Variants in ST6GALNAC5 observed in about 807,000 individuals in gnomAD.
ST6GALNAC5 encodes the protein ST6 N-acetylgalactosaminide alpha-2,6-sialyltransferase 5.
Under a neutral mutation model 33.6 loss-of-function variants are expected in ST6GALNAC5, and 27 were observed. That is an observed-to-expected ratio of 0.80 (90% CI 0.59 to 1.11). The LOEUF (loss-of-function observed/expected upper bound fraction) is 1.11, where lower values mean the gene tolerates loss of function less well. Ranked by LOEUF, ST6GALNAC5 falls within the 50% of genes least tolerant of loss-of-function variation. ST6GALNAC5 has a pLI of 0.00. For synonymous variants in ST6GALNAC5, 194 were observed against 171.2 expected (o/e 1.13, Z -1.04); for missense variants, 428 against 454.0 (o/e 0.94, Z 0.52).
At chr1:76,984,544 T>C (rs191079153) in intron 2 of ST6GALNAC5, among the ~76,000 whole-genome samples, 1 of 151,760 alleles carries the variant, frequency 6.6e-6, no homozygotes, top group African/African-American at 2.4e-5. Context: ...AAGAAAAAAA[T>C]TCCAGGACCA....
chr1:77,031,768 C>A (rs1021810), intron 2 of ST6GALNAC5, among the ~76,000 whole-genome samples: 5 of 152,082 alleles, frequency 3.3e-5, no homozygotes, highest in African/African-American at 1.2e-4. Flanking sequence ...GTTATTTGTA[C>A]AGCAAATATA....
chr1:76,949,111 C>T (rs1169997264), intron 2 of ST6GALNAC5, among the ~76,000 whole-genome samples: 1 of 152,150 alleles, frequency 6.6e-6, no homozygotes, highest in African/African-American at 2.4e-5. Context: ...CAGGTATGTG[C>T]TCAGCCACAC....
intron 2 of ST6GALNAC5, among the ~76,000 whole-genome samples, chr1:76,967,416 C>T (rs528659927): frequency 1.1e-4 from 17 of 151,196 alleles, no homozygotes; most frequent in Admixed American, 2.0e-4. Flanking sequence ...TGTATTTCTG[C>T]GGGATCAGTG....
At chr1:76,962,557 C>A (rs987109901) in intron 2 of ST6GALNAC5, among the ~76,000 whole-genome samples, 1 of 152,068 alleles carries the variant, frequency 6.6e-6, no homozygotes, top group African/African-American at 2.4e-5. Context: ...TTTTCAATAG[C>A]AACAAAAGAA....
At chr1:77,037,073 G>A (rs1651669881) in intron 2 of ST6GALNAC5, among the ~76,000 whole-genome samples, 1 of 152,134 alleles carries the variant, frequency 6.6e-6, no homozygotes, top group Non-Finnish European at 1.5e-5. Flanking sequence ...CAGACAGCAA[G>A]CAGTAGAGAA....
chr1:76,964,116 C>G (rs904634550), intron 2 of ST6GALNAC5, among the ~76,000 whole-genome samples: 13 of 152,074 alleles, frequency 8.5e-5, no homozygotes, highest in Admixed American at 7.9e-4. Flanking sequence ...CCCAGTGAGG[C>G]CTGCTTTGGA....
At chr1:76,986,899 G>T (rs1002056277) in intron 2 of ST6GALNAC5, among the ~76,000 whole-genome samples, 3 of 152,114 alleles carry the variant, frequency 2.0e-5, no homozygotes, top group Admixed American at 6.6e-5. Flanking sequence ...CCATCATTCT[G>T]AGCAAACTAT....
intron 2 of ST6GALNAC5, among the ~76,000 whole-genome samples, chr1:77,022,023 C>T (rs374754859): frequency 6.6e-6 from 1 of 152,122 alleles, no homozygotes; most frequent in Admixed American, 6.5e-5. Context: ...CTTTTTTCCC[C>T]CAGCCAACAA....
At chr1:76,943,164 A>G (rs943043959) in intron 2 of ST6GALNAC5, among the ~76,000 whole-genome samples, 29 of 152,092 alleles carry the variant, frequency 1.9e-4, no homozygotes, top group African/African-American at 6.8e-4. Context: ...GTATCAATTC[A>G]TTTGTTCTTC....
At chr1:77,058,849 G>T (rs1652483105) in intron 4 of ST6GALNAC5, among the ~76,000 whole-genome samples, 1 of 152,110 alleles carries the variant, frequency 6.6e-6, no homozygotes, top group Admixed American at 6.5e-5. Flanking sequence ...TGTCTCCCTG[G>T]GTATCAGATG....
chr1:76,951,301 G>A (rs909957222), intron 2 of ST6GALNAC5, among the ~76,000 whole-genome samples: 18 of 152,148 alleles, frequency 1.2e-4, no homozygotes, highest in African/African-American at 4.3e-4. Context: ...ACAAAATGAA[G>A]ATTGGGTTTA....
chr1:76,989,634 G>A (rs1187681527), intron 2 of ST6GALNAC5, among the ~76,000 whole-genome samples: 9 of 152,014 alleles, frequency 5.9e-5, no homozygotes, highest in African/African-American at 2.2e-4. Flanking sequence ...CTTGAGGCAG[G>A]ACCAGGTCAG....
At chr1:76,870,839 G>T (rs1406960025) in intron 2 of ST6GALNAC5, among the ~76,000 whole-genome samples, 1 of 152,182 alleles carries the variant, frequency 6.6e-6, no homozygotes, top group Non-Finnish European at 1.5e-5. Flanking sequence ...TATACCCAAA[G>T]GTTTTGAGGG....
intron 4 of ST6GALNAC5, among the ~76,000 whole-genome samples, chr1:77,050,674 T>C (rs1419837926): frequency 3.3e-5 from 5 of 152,338 alleles, no homozygotes; most frequent in African/African-American, 1.2e-4. Context: ...TTAAGAAATA[T>C]TAGTTTTACT....
intron 2 of ST6GALNAC5, among the ~76,000 whole-genome samples, chr1:76,972,722 C>A (rs1476233349): frequency 6.6e-6 from 1 of 152,110 alleles, no homozygotes; most frequent in East Asian, 1.9e-4. Flanking sequence ...GCAGGTGCAT[C>A]TGTCATCTTG....
chr1:76,967,592 G>C (rs1168447980), intron 2 of ST6GALNAC5, among the ~76,000 whole-genome samples: 3 of 152,072 alleles, frequency 2.0e-5, no homozygotes, highest in African/African-American at 7.2e-5. Context: ...TTTCAGTGCT[G>C]CTCTGATCTT....
At position 77,063,178 on chromosome 1, in the gene ST6GALNAC5, A is replaced by C; in HGVS notation, c.983A>C (p.Asn328Thr). The C allele has an allele frequency of 6.2e-7, 1 of 1,613,760 alleles. No individual in the cohort carries two copies. ...PDWKPESLAI[N>T]HPENKPVF ...TGGAAACCAGAATCACTTGCTATAA[A>C]TCATCCTGAGAATAAACCTGTGTTC... is the stretch of plus-strand genomic sequence containing the variant. The change falls in exon 5 of 5, where the codon AAT (asparagine) becomes ACT (threonine). Residue 328 changes from asparagine to threonine, a missense_variant. By Grantham distance (65) the Asn-to-Thr change is moderately conservative. Transcript: ENST00000477717.
At chr1:77,029,308 C>G (rs1651364519) in intron 2 of ST6GALNAC5, among the ~76,000 whole-genome samples, 1 of 152,118 alleles carries the variant, frequency 6.6e-6, no homozygotes, top group South Asian at 2.1e-4. Flanking sequence ...TGTAATAGCT[C>G]AAAAATGACA....
chr1:77,010,727 C>T (rs1650604261), intron 2 of ST6GALNAC5, among the ~76,000 whole-genome samples: 1 of 152,108 alleles, frequency 6.6e-6, no homozygotes, highest in African/African-American at 2.4e-5. Context: ...CAGGACACCC[C>T]AACACTCTGG....
Sources: gnomAD v4.1 joint callset for allele counts (sites outside exome capture counted in the v4.1 genomes callset) on GRCh38, gnomAD v4.1.1 for gene constraint, MANE v1.5 for transcripts, NCBI Gene and HGNC (gene_info 2026-07-23, HGNC 2026-07-21) for gene names.